The following NOTCH2 variants were observed in gnomAD, a reference collection of about 807,000 sequenced individuals.
NOTCH2 encodes neurogenic locus notch homolog protein 2.
NOTCH2 carries 29 observed loss-of-function variants against 235.8 expected under a neutral mutation model. The observed-to-expected ratio is 0.12, with a 90% confidence interval of 0.09 to 0.17. The LOEUF is 0.17. Ranked by LOEUF, NOTCH2 falls within the 10% of genes least tolerant of loss-of-function variation. The pLI is 1.00. For missense variants in NOTCH2, 2,285 were observed against 3,150.2 expected, an observed-to-expected ratio of 0.73 and a Z score of 6.57; for synonymous variants, 1,086 against 1,141.5, an observed-to-expected ratio of 0.95 and a Z score of 0.98.
At chr1:119,975,400 C>T (rs902050273) in intron 5 of NOTCH2, among the ~76,000 whole-genome samples, 5 of 152,160 alleles carry the variant, frequency 3.3e-5, no homozygotes, top group African/African-American at 1.2e-4. Context: ...ATAATTCCAG[C>T]ACTTTGGAAG....
rs1649022675 is a variant in NOTCH2, at chr1:119,915,276, G to A, written c.*30C>T. The A allele has an allele frequency of 6.2e-7, 1 of 1,608,948 alleles. No homozygotes were observed. Among genetic ancestry groups the A allele is most frequent in the Non-Finnish European group, 8.5e-7 (1 of 1,177,782 alleles). On this transcript the variant is annotated 3_prime_UTR_variant, in exon 34 of 34. Coordinates refer to ENST00000256646, the MANE Select transcript of NOTCH2 (RefSeq NM_024408.4). ...TCCTCAGCAGCATTTACAAAAGTCA[G>A]TTATGTCTCTACACTGGAGGTGGAC...
chr1:119,927,415 C>T (rs1415976246), intron 23 of NOTCH2, among the ~76,000 whole-genome samples: 2 of 152,190 alleles, frequency 1.3e-5, no homozygotes, highest in African/African-American at 4.8e-5. Context: ...CAGCAGCAGC[C>T]GCTAACCAAG....
intron 11 of NOTCH2, among the ~76,000 whole-genome samples, chr1:119,961,078 C>T (rs1480401094): frequency 6.6e-6 from 1 of 152,178 alleles, no homozygotes; most frequent in African/African-American, 2.4e-5. Context: ...GTCACCCACC[C>T]TGCACATTAG....
At chr1:120,015,552 A>G (rs4659260) in intron 2 of NOTCH2, among the ~76,000 whole-genome samples, 151 of 134,094 alleles carry the variant, frequency 1.1e-3, no homozygotes, top group East Asian at 4.5e-3. Flanking sequence ...GTAGATAAAA[A>G]TAATTGCTAA....
intron 2 of NOTCH2, among the ~76,000 whole-genome samples, chr1:120,006,928 A>C (rs1400906857): frequency 6.6e-6 from 1 of 152,218 alleles, no homozygotes; most frequent in Non-Finnish European, 1.5e-5. Context: ...GAAAAGAAGG[A>C]AGGCCAGATA....
Position 119,926,507 on chromosome 1 carries a change from A to G in NOTCH2, c.3997T>C (p.Cys1333Arg). 6.2e-7 allele frequency: 1 copy of G among 1,601,018 alleles called. No individual in the cohort carries two copies. The highest frequency in any genetic ancestry group is 8.5e-7 in the Non-Finnish European group (1 of 1,172,022). The change falls in exon 24 of 34, where the codon TGT becomes CGT. Residue 1333 changes from cysteine (C) to arginine (R), a missense_variant. Transcript: ENST00000256646. ...SNMPDGFICR[C>R]PPGFSGARCQ... ...AGCAACAGGGCACTTACCGGGGGAC[A>G]ACGGCAAATGAAACCATCAGGCATG...
intron 17 of NOTCH2, among the ~76,000 whole-genome samples, chr1:119,943,883 G>A (rs1437112534): frequency 6.6e-6 from 1 of 152,016 alleles, no homozygotes; most frequent in Non-Finnish European, 1.5e-5. Context: ...AACGTTAAAA[G>A]AAAGACTTGA....
chr1:119,914,606 CAGG>C lies in NOTCH2; in HGVS notation c.*697_*699del, dbSNP rs1178202589. The C allele has an allele frequency of 4.2e-6, 1 of 235,390 alleles. No individual in the cohort carries two copies. Among genetic ancestry groups the C allele is most frequent in the Non-Finnish European group, 8.4e-6 (1 of 119,518 alleles). 14.6% of individuals were successfully genotyped at this position (235,390 alleles called of 1,614,324 possible). On this transcript the variant is annotated 3_prime_UTR_variant, in exon 34 of 34. Transcript: ENST00000256646. The stretch of plus-strand genomic sequence containing the variant: ...CTTCTCTCTCCAGGAATGATATATG[CAGG>C]AGAACACAATACAGTATGTCCATTT...
At chr1:119,928,208 G>A (rs1649537696) in intron 23 of NOTCH2, among the ~76,000 whole-genome samples, 1 of 152,146 alleles carries the variant, frequency 6.6e-6, no homozygotes, top group Admixed American at 6.5e-5. Flanking sequence ...GCAGAGCTTG[G>A]TCATCTTCAG....
At chr1:119,977,669 T>C (rs373327568) in intron 5 of NOTCH2, among the ~76,000 whole-genome samples, 2 of 152,202 alleles carry the variant, frequency 1.3e-5, no homozygotes, top group African/African-American at 4.8e-5. Flanking sequence ...GTGCTTTACA[T>C]TGATTGTCAA....
intron 33 of NOTCH2, among the ~76,000 whole-genome samples, chr1:119,917,115 T>C (rs961542066): frequency 7.9e-5 from 12 of 151,178 alleles, no homozygotes; most frequent in Non-Finnish European, 4.4e-5. Context: ...ATAAGAAAGG[T>C]AGGAAGAGAA....
chr1:119,956,683 T>C (rs1553198389), intron 12 of NOTCH2, among the ~76,000 whole-genome samples: 1 of 152,210 alleles, frequency 6.6e-6, no homozygotes, highest in Non-Finnish European at 1.5e-5. Context: ...CGGCCCGTAA[T>C]ATAGTGAAGG....
At chr1:119,935,773 G>C (rs1438764722) in intron 21 of NOTCH2, among the ~76,000 whole-genome samples, 169 bp from the exon 22 acceptor site, 1 of 152,190 alleles carries the variant, frequency 6.6e-6, no homozygotes, top group Non-Finnish European at 1.5e-5. Context: ...TCTATGCAGG[G>C]ACAGAAAACC....
At chr1:119,943,414 T>C (rs1179620272) in intron 17 of NOTCH2, among the ~76,000 whole-genome samples, 2 of 152,136 alleles carry the variant, frequency 1.3e-5, no homozygotes, top group South Asian at 4.1e-4. Flanking sequence ...CTCATGTTTA[T>C]TCAATAAGAA....
Position 119,953,553 on chromosome 1 carries a change from C to T in NOTCH2, c.2355G>A (p.Lys785=), listed in dbSNP as rs1553198066. The T allele has an allele frequency of 6.2e-7, 1 of 1,614,110 alleles. No homozygotes were observed. Among genetic ancestry groups the T allele is most frequent in the Non-Finnish European group, 8.5e-7 (1 of 1,180,004 alleles). ...LVNGYRCTCK[K]GFKGYNCQVN... Reference sequence around the variant, plus strand: ...TACTTTTGTTTTCACCTTTAAAGCCCTTCTTGCAAGTACACCTGTATCCAT... The same window carrying T: ...TACTTTTGTTTTCACCTTTAAAGCCTTTCTTGCAAGTACACCTGTATCCAT... Residue 785 remains lysine, a synonymous_variant, in exon 14 of 34, where the codon AAG becomes AAA. Transcript: ENST00000256646.
Position 119,919,415 on chromosome 1 carries a change from G to A in NOTCH2, c.5678C>T (p.Ala1893Val). 1 of 1,613,810 alleles carries A rather than the reference G, an allele frequency of 6.2e-7. No individual in the cohort carries two copies. Among genetic ancestry groups the A allele is most frequent in the Non-Finnish European group, 8.5e-7 (1 of 1,180,040 alleles). Reference sequence around the variant, plus strand: ...TGCACCTGCATCCAGGAGACGCTTGGCAGCATCAGCCCGTGAGTAGCGGGC... The same window carrying A: ...TGCACCTGCATCCAGGAGACGCTTGACAGCATCAGCCCGTGAGTAGCGGGC... ...LAARYSRADA[A>V]KRLLDAGADA... The change falls in exon 31 of 34, where the codon GCC becomes GTC. Residue 1893 changes from alanine to valine, a missense_variant. This residue lies in a region of NOTCH2 where 128 missense variants were observed against 255.9 expected (regional missense o/e 0.50). Coordinates refer to ENST00000256646, the MANE Select transcript of NOTCH2 (RefSeq NM_024408.4).
At chr1:120,068,957 T>C (rs1553217661) in intron 1 of NOTCH2, 2 of 928,820 alleles carry the variant, frequency 2.2e-6, no homozygotes, top group Non-Finnish European at 3.1e-6. Flanking sequence ...GCTCAGCCCC[T>C]CCGAGGCCCG....
At chr1:119,963,480 T>C in intron 11 of NOTCH2, 94 bp downstream of exon 11, 2 of 1,122,688 alleles carry the variant, frequency 1.8e-6, no homozygotes, top group East Asian at 2.3e-5. Flanking sequence ...GTTTTTTAGG[T>C]ATCTGAGCAT....
intron 5 of NOTCH2, among the ~76,000 whole-genome samples, chr1:119,980,133 C>A (rs888202417): frequency 6.6e-6 from 1 of 152,180 alleles, no homozygotes. Flanking sequence ...CTCAACCTTA[C>A]AGACCTCCGC....
Sources: gnomAD v4.1 joint callset for allele counts (sites outside exome capture counted in the v4.1 genomes callset) on GRCh38, gnomAD v4.1.1 for gene constraint, gnomAD v4.1.1 regional missense constraint, MANE v1.5 for transcripts, NCBI Gene and HGNC (gene_info 2026-07-23, HGNC 2026-07-21) for gene names.